Variants in SCUBE1 observed in about 807,000 individuals in gnomAD.
SCUBE1 encodes the protein signal peptide, CUB and EGF-like domain-containing protein 1.
Under a neutral mutation model 124.4 loss-of-function variants are expected in SCUBE1, and 59 were observed. The observed-to-expected ratio is 0.47, with a 90% CI of 0.38 to 0.59. The LOEUF (loss-of-function observed/expected upper bound fraction) is 0.59, where lower values mean the gene tolerates loss of function less well. Ranked by LOEUF, SCUBE1 falls within the 20% of genes least tolerant of loss-of-function variation. The pLI, the probability that SCUBE1 is intolerant of heterozygous loss-of-function variation, is 0.00. For missense variants in SCUBE1, 1,150 were observed against 1,371.2 expected, an observed-to-expected ratio of 0.84 and a Z score of 2.55; for synonymous variants, 545 against 550.9, an observed-to-expected ratio of 0.99 and a Z score of 0.15.
intron 15 of SCUBE1, among the ~76,000 whole-genome samples, chr22:43,217,594 C>T (rs186971628): frequency 6.6e-6 from 1 of 152,332 alleles, no homozygotes; most frequent in East Asian, 1.9e-4. Flanking sequence ...CCATCCAACT[C>T]AAGAGTGGTG....
chr22:43,237,623 G>A (rs983877799), intron 7 of SCUBE1: 8 of 152,354 alleles, frequency 5.3e-5, no homozygotes, highest in African/African-American at 1.4e-4. Context: ...CGGAAGCACT[G>A]TTATTTCTGT....
At position 43,281,480 on chromosome 22, in the gene SCUBE1, C is replaced by CCT. The variant is rs1569010742; in HGVS notation, c.484+9565_484+9566insAG. ...TCCCTCAGCCACCCTCCTGTCACCT[C>CCT]CCTCTTTGGCCACCCTCCTGTCACC... On this transcript the variant is annotated intron_variant, in intron 4 of 21. Transcript: ENST00000360835. Among the ~76,000 whole-genome samples the CCT allele has an allele frequency of 4.0e-3, 452 of 113,356 alleles. 48 individuals carry two copies. The highest frequency in any genetic ancestry group is 0.021 in the African/African-American group (402 of 19,254). The allele number at this position is 113,356 out of a possible 152,430, so 74.4% of individuals were successfully genotyped here. A position where few individuals can be genotyped will look rare whatever the true frequency, so the allele number is the denominator to read the frequency against.
chr22:43,319,804 T>C, intron 3 of SCUBE1, 133 bp downstream of exon 3: 4 of 1,107,970 alleles, frequency 3.6e-6, no homozygotes, highest in Non-Finnish European at 5.1e-6. Flanking sequence ...TGGTATTTTG[T>C]TATGACAACC....
At position 43,203,907 on chromosome 22, in the gene SCUBE1, G is replaced by A; in HGVS notation, c.*90C>T. The stretch of plus-strand genomic sequence containing the variant: ...AGGGCAGTGCCATGGGGTTCCCAAG[G>A]TGGTGTGGAGGCCCATGCAGCTCCC... On this transcript the variant is annotated 3_prime_UTR_variant, in exon 22 of 22. Coordinates refer to ENST00000360835, the MANE Select transcript of SCUBE1 (RefSeq NM_173050.5). 3 of 1,374,354 alleles carry A rather than the reference G, an allele frequency of 2.2e-6. No individual in the cohort carries two copies. The highest frequency in any genetic ancestry group is 3.1e-6 in the Non-Finnish European group (3 of 982,894). 85.1% of individuals were successfully genotyped at this position (1,374,354 alleles called of 1,614,324 possible).
chr22:43,232,526 G>A (rs1183813111), intron 7 of SCUBE1: 1 of 152,938 alleles, frequency 6.5e-6, no homozygotes, highest in Non-Finnish European at 1.5e-5. Flanking sequence ...AAGGTAAGTG[G>A]GGAGCTGGGC....
At chr22:43,274,694 A>G (rs1053050700) in intron 4 of SCUBE1, among the ~76,000 whole-genome samples, 3 of 152,200 alleles carry the variant, frequency 2.0e-5, no homozygotes, top group African/African-American at 7.2e-5. Flanking sequence ...GAGGATCTGT[A>G]AGGCTGTGAG....
At chr22:43,265,410 G>A (rs1041074120) in intron 4 of SCUBE1, among the ~76,000 whole-genome samples, 12 of 152,212 alleles carry the variant, frequency 7.9e-5, no homozygotes, top group African/African-American at 1.9e-4. Flanking sequence ...GGCCCTATCT[G>A]TAGTCAGCTG....
At chr22:43,331,489 G>A (rs1926901546) in intron 2 of SCUBE1, among the ~76,000 whole-genome samples, 3 of 152,190 alleles carry the variant, frequency 2.0e-5, no homozygotes, top group Admixed American at 2.0e-4. Context: ...ACACATAGAA[G>A]GGGTGATGTG....
chr22:43,325,126 G>C (rs73886600), intron 2 of SCUBE1, among the ~76,000 whole-genome samples: 3,668 of 151,904 alleles, frequency 0.024, 180 homozygotes, highest in African/African-American at 0.084. Context: ...TGTGAGGCCA[G>C]GGTAAGAGCT....
chr22:43,269,856 G>C (rs1924225007), intron 4 of SCUBE1, among the ~76,000 whole-genome samples: 1 of 152,274 alleles, frequency 6.6e-6, no homozygotes, highest in East Asian at 1.9e-4. Context: ...TGGTGCCCAG[G>C]GGGAAGGCGC....
intron 3 of SCUBE1, among the ~76,000 whole-genome samples, chr22:43,317,334 G>C (rs756688413): frequency 6.6e-5 from 10 of 152,176 alleles, no homozygotes; most frequent in Non-Finnish European, 1.0e-4. Flanking sequence ...TTGGGAAGTG[G>C]ATTACGCAGT....
At chr22:43,324,342 A>G (rs182046075) in intron 2 of SCUBE1, among the ~76,000 whole-genome samples, 16 of 152,308 alleles carry the variant, frequency 1.1e-4, no homozygotes, top group Non-Finnish European at 1.5e-5. Context: ...TGGAGAGTGC[A>G]GGGATATTTG....
intron 6 of SCUBE1, among the ~76,000 whole-genome samples, chr22:43,246,693 G>C (rs1364883013): frequency 6.6e-6 from 1 of 152,256 alleles, no homozygotes; most frequent in Non-Finnish European, 1.5e-5. Flanking sequence ...CAGCCTGGAG[G>C]CTGCTCAACA....
At chr22:43,292,513 G>T (rs930776149) in intron 3 of SCUBE1, among the ~76,000 whole-genome samples, 2 of 149,594 alleles carry the variant, frequency 1.3e-5, no homozygotes, top group Non-Finnish European at 1.5e-5. Context: ...AACCACAAAG[G>T]CGGCGTGAGC....
intron 3 of SCUBE1, among the ~76,000 whole-genome samples, chr22:43,293,766 C>G (rs1231367380): frequency 6.6e-6 from 1 of 152,212 alleles, no homozygotes. Context: ...TGCTCTGCGC[C>G]TTGGCTTCCC....
At chr22:43,286,903 A>G (rs1372290308) in intron 4 of SCUBE1, among the ~76,000 whole-genome samples, 2 of 152,210 alleles carry the variant, frequency 1.3e-5, no homozygotes. Flanking sequence ...ACATTGAGAG[A>G]AAAGGAGACA....
intron 14 of SCUBE1, 91 bp downstream of exon 14, chr22:43,220,359 T>C: frequency 3.5e-6 from 5 of 1,437,066 alleles, no homozygotes; most frequent in Non-Finnish European, 4.8e-6. Context: ...GGTGGGAGCC[T>C]AGCTTCATGC....
intron 4 of SCUBE1, among the ~76,000 whole-genome samples, chr22:43,280,784 C>CT (rs1458856632): frequency 1.4e-5 from 2 of 145,406 alleles, no homozygotes; most frequent in Non-Finnish European, 3.0e-5. Flanking sequence ...CTCCTGTCAT[C>CT]TCCTCCTCAG....
At chr22:43,218,114 T>A (rs1921916856) in intron 15 of SCUBE1, 141 bp downstream of exon 15, 4 of 756,830 alleles carry the variant, frequency 5.3e-6, no homozygotes, top group Non-Finnish European at 9.0e-6. Context: ...AGGGCTGCAG[T>A]CCTTCTCCCC....
Sources: allele counts gnomAD v4.1 joint callset (sites outside exome capture counted in the v4.1 genomes callset), GRCh38; gene constraint gnomAD v4.1.1; transcripts MANE v1.5; gene names NCBI Gene and HGNC (gene_info 2026-07-23, HGNC 2026-07-21).